PRKCQ: variants seen among roughly 807,000 people sequenced by gnomAD.
The protein encoded by PRKCQ is protein kinase C theta type.
A neutral mutation model predicts 91.2 loss-of-function variants in PRKCQ; 41 were observed. The observed-to-expected ratio is 0.45, with a 90% CI of 0.35 to 0.58. The LOEUF (loss-of-function observed/expected upper bound fraction) is 0.58. Ranked by LOEUF, PRKCQ falls within the 20% of genes least tolerant of loss-of-function variation. The pLI, the probability that PRKCQ is intolerant of heterozygous loss-of-function variation, is 0.00. For missense variants in PRKCQ, 673 were observed against 896.5 expected, an observed-to-expected ratio of 0.75 and a Z score of 3.18; for synonymous variants, 307 against 316.9, an observed-to-expected ratio of 0.97 and a Z score of 0.33.
the PRKCQ span, among the ~76,000 whole-genome samples, chr10:6,415,044 C>T: frequency 7.2e-5 from 11 of 152,092 alleles, no homozygotes; most frequent in African/African-American, 2.7e-4. Context: ...CTCACTGCAA[C>T]CTCCGTCTCC....
At chr10:6,503,944 T>C (rs1838052688) in intron 4 of PRKCQ, among the ~76,000 whole-genome samples, 1 of 152,100 alleles carries the variant, frequency 6.6e-6, no homozygotes, top group Non-Finnish European at 1.5e-5. Flanking sequence ...ACCCAGGTAA[T>C]TTTTAAATTT....
chr10:6,497,308 A>T lies in PRKCQ; in HGVS notation c.543-57T>A. On this transcript the variant is annotated intron_variant, in intron 5 of 17. Coordinates refer to ENST00000263125, the MANE Select transcript of PRKCQ (RefSeq NM_006257.5). This position sits in a 1 kb window ranked among gnomAD's most constrained non-coding sequence, Gnocchi z 4.5. ...TGTTGGCATCAACATCAGCACCAAC[A>T]GCATTTAAGAGATGGATGAGATCTC... The T allele has an allele frequency of 6.3e-7, 1 of 1,593,766 alleles. No homozygotes were observed.
At chr10:6,467,399 G>C (rs1423672546) in intron 12 of PRKCQ, among the ~76,000 whole-genome samples, 19 of 95,328 alleles carry the variant, frequency 2.0e-4, no homozygotes, top group Non-Finnish European at 2.5e-4. Context: ...CAGAGAGAGA[G>C]AGAGAGAGAG....
chr10:6,415,746 C>CT, the PRKCQ span, among the ~76,000 whole-genome samples: 257 of 140,298 alleles, frequency 1.8e-3, no homozygotes, highest in African/African-American at 4.6e-3. Context: ...CTCTCTCTCT[C>CT]TTTTTTTTTT....
intron 15 of PRKCQ, among the ~76,000 whole-genome samples, chr10:6,452,738 G>C (rs1040101724): frequency 6.6e-6 from 1 of 150,540 alleles, no homozygotes; most frequent in African/African-American, 2.4e-5. Flanking sequence ...TAGATCAATG[G>C]AACAGAACAG....
At chr10:6,431,535 TACAC>T (rs998502851) in intron 16 of PRKCQ, among the ~76,000 whole-genome samples, 5 of 152,114 alleles carry the variant, frequency 3.3e-5, no homozygotes, top group Admixed American at 3.3e-4. Flanking sequence ...TACACACGCA[TACAC>T]ACACGTACAG....
At position 6,430,781 on chromosome 10, in the gene PRKCQ, C is replaced by T. The variant is rs1053945670; in HGVS notation, c.1965+29G>A. The T allele has an allele frequency of 6.2e-7, 1 of 1,608,510 alleles. No homozygotes were observed. The highest frequency in any genetic ancestry group is 1.3e-5 in the African/African-American group (1 of 74,988). ...CCCTGAGCGGAGGGAGAGTGGCTGA[C>T]ACCAAGCGGCCCATGAGCGAGTCCT... On this transcript the variant is annotated intron_variant, in intron 17 of 17. Coordinates refer to ENST00000263125, the MANE Select transcript of PRKCQ (RefSeq NM_006257.5). This position sits in a 1 kb window ranked among gnomAD's most constrained non-coding sequence, Gnocchi z 4.7.
intron 12 of PRKCQ, among the ~76,000 whole-genome samples, chr10:6,478,333 T>C (rs1214218955): frequency 6.6e-6 from 1 of 152,228 alleles, no homozygotes; most frequent in Non-Finnish European, 1.5e-5. Context: ...AGTGATTTTC[T>C]TCTTTGAGTT....
Position 6,564,566 on chromosome 10 carries a change from C to T in PRKCQ, c.-10+15645G>A, listed in dbSNP as rs149231909. 5.3e-3 allele frequency among the ~76,000 whole-genome samples: 803 copies of T among 152,096 alleles called. 9 individuals are homozygous for T. The highest frequency in any genetic ancestry group is 0.018 in the African/African-American group (757 of 41,498). On this transcript the variant is annotated intron_variant, in intron 1 of 17. Coordinates refer to ENST00000263125, the MANE Select transcript of PRKCQ (RefSeq NM_006257.5). The stretch of plus-strand genomic sequence containing the variant: ...GACGGGGTGGGGGAATCTCAACCTC[C>T]TAGCTGCATCCACCCAGGGGCCATA...
chr10:6,419,965 A>G, the PRKCQ span, among the ~76,000 whole-genome samples: 20 of 151,894 alleles, frequency 1.3e-4, no homozygotes, highest in Non-Finnish European at 2.4e-4. Context: ...CTAGGATTAT[A>G]GGTGTGAGGC....
At chr10:6,528,402 G>GT (rs373858047) in intron 1 of PRKCQ, among the ~76,000 whole-genome samples, 3 of 152,250 alleles carry the variant, frequency 2.0e-5, no homozygotes, top group Non-Finnish European at 2.9e-5. Context: ...CTGGGGTGGG[G>GT]TGGGGGCGCA....
chr10:6,518,126 A>G (rs1838847310), intron 1 of PRKCQ, among the ~76,000 whole-genome samples: 3 of 152,216 alleles, frequency 2.0e-5, no homozygotes, highest in Non-Finnish European at 1.5e-5. Flanking sequence ...TGGTCACAGA[A>G]GTCTAGACTT....
At chr10:6,490,844 C>A (rs758897881) in intron 8 of PRKCQ, among the ~76,000 whole-genome samples, 1 of 150,926 alleles carries the variant, frequency 6.6e-6, no homozygotes, top group Non-Finnish European at 1.5e-5. Flanking sequence ...GGGCTCTGCC[C>A]ACGTCTCTCC....
At chr10:6,460,911 G>A (rs1048627201) in intron 14 of PRKCQ, among the ~76,000 whole-genome samples, 12 of 92,234 alleles carry the variant, frequency 1.3e-4, no homozygotes, top group South Asian at 3.0e-4. Context: ...CCATCCATCC[G>A]TCCAACCATC....
At position 6,427,925 on chromosome 10, in the gene PRKCQ, A is replaced by G. The variant is rs1833198036; in HGVS notation, c.*282T>C. 3 of 378,190 alleles carry G rather than the reference A, an allele frequency of 7.9e-6. 1 individual carries two copies. The highest frequency in any genetic ancestry group is 1.5e-5 in the Non-Finnish European group (3 of 205,750). 23.4% of individuals were successfully genotyped at this position (378,190 alleles called of 1,614,324 possible). A position where few individuals can be genotyped will look rare whatever the true frequency, so the allele number is the denominator to read the frequency against. ...AGTATCAAGTCTTGAAACCTTTCCA[A>G]GTGCGGAGACCCATCTTTCAAGTAA... On this transcript the variant is annotated 3_prime_UTR_variant, in exon 18 of 18. Transcript: ENST00000263125.
In PRKCQ at chr10:6,576,320, G is replaced by A. The variant is rs1841236105; in HGVS notation, c.-10+3891C>T. 6.6e-6 allele frequency among the ~76,000 whole-genome samples: 1 copy of A among 152,186 alleles called. No homozygotes were observed. Among genetic ancestry groups the A allele is most frequent in the African/African-American group, 2.4e-5 (1 of 41,442 alleles). On this transcript the variant is annotated intron_variant, in intron 1 of 17. Transcript: ENST00000263125. This position sits in a 1 kb window ranked among gnomAD's most constrained non-coding sequence, Gnocchi z 4.2. ...TAGAAGCAACCATCAACAGATACAA[G>A]GATAAGCAAAATGTGGTATATCCAT...
At chr10:6,471,259 AT>A (rs1250688613) in intron 12 of PRKCQ, among the ~76,000 whole-genome samples, 1 of 152,228 alleles carries the variant, frequency 6.6e-6, no homozygotes, top group Non-Finnish European at 1.5e-5. Context: ...GGAATGTATT[AT>A]TTACATAGAC....
rs924634752 is a variant in PRKCQ at position 6,428,084 on chromosome 10, T to G, written c.*123A>C. On this transcript the variant is annotated 3_prime_UTR_variant, in exon 18 of 18. Coordinates refer to ENST00000263125, the MANE Select transcript of PRKCQ (RefSeq NM_006257.5). ...TAAAAGTCACATGGGGGCGAACGGG[T>G]CTCAGTCTTTATTGTTGAGTGTTTC... 31 of 1,268,030 alleles carry G rather than the reference T, an allele frequency of 2.4e-5. No individual in the cohort carries two copies. The Admixed American group carries it at 5.1e-4, about 21-fold the overall frequency. The allele number at this position is 1,268,030 out of a possible 1,614,324, so 78.5% of individuals were successfully genotyped here. A position where few individuals can be genotyped will look rare whatever the true frequency, so the allele number is the denominator to read the frequency against.
chr10:6,552,572 C>T (rs1840230727), intron 1 of PRKCQ, among the ~76,000 whole-genome samples: 1 of 151,520 alleles, frequency 6.6e-6, no homozygotes, highest in Admixed American at 6.6e-5. Context: ...TTCAAGTGAT[C>T]CTCCCCTTCA....
Sources: gnomAD v4.1 joint callset for allele counts (sites outside exome capture counted in the v4.1 genomes callset) on GRCh38, gnomAD v4.1.1 for gene constraint, Gnocchi (gnomAD v3.1) non-coding constraint, MANE v1.5 for transcripts, NCBI Gene and HGNC (gene_info 2026-07-23, HGNC 2026-07-21) for gene names.